The following UNC5B variants were observed in gnomAD, a reference collection of about 807,000 sequenced individuals.
UNC5B encodes netrin receptor UNC5B.
Under a neutral mutation model 103.7 loss-of-function variants are expected in UNC5B, and 56 were observed. The ratio of observed to expected loss-of-function variants is 0.54; its 90% CI spans 0.44 to 0.67. The LOEUF (loss-of-function observed/expected upper bound fraction) is 0.67, where lower values mean the gene tolerates loss of function less well. UNC5B is among the 30% of genes least tolerant of loss of function. The probability of loss-of-function intolerance (pLI) is 0.00; values close to 1 mark genes in which losing one functional copy is unlikely to be tolerated. For synonymous variants in UNC5B, 577 were observed against 542.0 expected (o/e 1.06, Z -0.90); for missense variants, 1,194 against 1,284.5 (o/e 0.93, Z 1.08).
At chr10:71,223,014 T>C (rs1182003388) in intron 1 of UNC5B, among the ~76,000 whole-genome samples, 2 of 152,112 alleles carry the variant, frequency 1.3e-5, no homozygotes, top group Admixed American at 6.5e-5. Flanking sequence ...CAGAGCAGAG[T>C]GACATTCGGA....
intron 1 of UNC5B, among the ~76,000 whole-genome samples, chr10:71,226,356 T>C (rs570476299): frequency 2.4e-4 from 37 of 152,350 alleles, no homozygotes; most frequent in African/African-American, 8.2e-4. Flanking sequence ...ATTACGGGCA[T>C]GAGCCACCTC....
chr10:71,258,403 G>A (rs761523271), intron 1 of UNC5B, among the ~76,000 whole-genome samples: 1 of 152,158 alleles, frequency 6.6e-6, no homozygotes, highest in Non-Finnish European at 1.5e-5. Context: ...GGAGACTCTG[G>A]GCTGAAGACC....
chr10:71,218,679 C>G (rs910294524), intron 1 of UNC5B, among the ~76,000 whole-genome samples: 53 of 152,344 alleles, frequency 3.5e-4, no homozygotes, highest in African/African-American at 1.2e-3. Context: ...ATCAGAGTCC[C>G]AGACCTGGAG....
At chr10:71,225,572 C>G (rs370742914) in intron 1 of UNC5B, among the ~76,000 whole-genome samples, 1 of 152,260 alleles carries the variant, frequency 6.6e-6, no homozygotes, top group Non-Finnish European at 1.5e-5. Context: ...CTGTCTGAGC[C>G]AGCACACCAT....
chr10:71,219,601 A>G (rs1320049545), intron 1 of UNC5B, among the ~76,000 whole-genome samples: 1 of 152,122 alleles, frequency 6.6e-6, no homozygotes, highest in African/African-American at 2.4e-5. Context: ...TCCTTTGGCA[A>G]CACCCTCACA....
intron 1 of UNC5B, among the ~76,000 whole-genome samples, chr10:71,227,221 G>T (rs1033906655): frequency 6.6e-6 from 1 of 152,096 alleles, no homozygotes; most frequent in Non-Finnish European, 1.5e-5. Flanking sequence ...CTGACCTCAG[G>T]TGATCTGCCC....
chr10:71,230,562 C>T (rs1843662361), intron 1 of UNC5B, among the ~76,000 whole-genome samples: 1 of 152,274 alleles, frequency 6.6e-6, no homozygotes, highest in Admixed American at 6.5e-5. Context: ...CCCTCCCCAC[C>T]TCATCAGGCC....
chr10:71,284,422 C>T (rs1845009757), intron 2 of UNC5B, among the ~76,000 whole-genome samples: 1 of 152,190 alleles, frequency 6.6e-6, no homozygotes, highest in Non-Finnish European at 1.5e-5. Flanking sequence ...CCACTGAGAC[C>T]CCGCATGAAG....
intron 1 of UNC5B, among the ~76,000 whole-genome samples, chr10:71,223,020 T>TC (rs1384803728): frequency 6.6e-6 from 1 of 152,190 alleles, no homozygotes; most frequent in Non-Finnish European, 1.5e-5. Context: ...AGAGTGACAT[T>TC]CGGAGTGAGC....
intron 2 of UNC5B, among the ~76,000 whole-genome samples, chr10:71,282,703 C>T (rs1844961413): frequency 6.6e-6 from 1 of 152,184 alleles, no homozygotes; most frequent in South Asian, 2.1e-4. Context: ...TAGCCACCTC[C>T]CATTTACATC....
rs1299863482 is a variant in UNC5B, at chr10:71,279,945, C to T, written c.204C>T (p.Arg68=). The T allele has an allele frequency of 6.2e-7, 1 of 1,613,994 alleles. No individual in the cohort carries two copies. The highest frequency in any genetic ancestry group is 1.3e-5 in the African/African-American group (1 of 75,068). The change falls in exon 2 of 17, where the codon CGC becomes CGT. Residue 68 remains arginine (R), a synonymous_variant. Transcript: ENST00000335350. ...YIVKNKPVEL[R]CRAFPATQIY... ...TGAAGAACAAGCCTGTGGAGCTCCG[C>T]TGCCGCGCCTTCCCCGCCACACAGA... is the stretch of plus-strand genomic sequence containing the variant.
chr10:71,215,047 T>C (rs1228808458), intron 1 of UNC5B, among the ~76,000 whole-genome samples: 1 of 152,236 alleles, frequency 6.6e-6, no homozygotes, highest in African/African-American at 2.4e-5. Flanking sequence ...GCCCAGAATG[T>C]GTGGCCCTTA....
intron 1 of UNC5B, among the ~76,000 whole-genome samples, chr10:71,265,855 C>A (rs995529923): frequency 6.6e-6 from 1 of 152,152 alleles, no homozygotes; most frequent in Non-Finnish European, 1.5e-5. Flanking sequence ...GTCCCCAGGT[C>A]CCCCATGCTG....
At chr10:71,244,412 C>T (rs971443511) in intron 1 of UNC5B, among the ~76,000 whole-genome samples, 1 of 152,210 alleles carries the variant, frequency 6.6e-6, no homozygotes, top group Non-Finnish European at 1.5e-5. Context: ...GCCCCTGGGA[C>T]GTTGCCTGGC....
intron 2 of UNC5B, among the ~76,000 whole-genome samples, chr10:71,283,355 T>A: frequency 6.6e-6 from 1 of 152,226 alleles, no homozygotes; most frequent in Admixed American, 6.5e-5. Context: ...GTAGTCACCA[T>A]AACTTGTCTA....
chr10:71,295,728 G>A, intron 13 of UNC5B, 83 bp from the exon 14 acceptor site: 1 of 1,522,602 alleles, frequency 6.6e-7, no homozygotes, highest in Non-Finnish European at 8.9e-7. Flanking sequence ...ATGGGCCCCT[G>A]CCCCCTGCCC....
At chr10:71,293,304 C>G (rs1266250951) in intron 11 of UNC5B, 101 bp from the exon 12 acceptor site, 25 of 1,376,368 alleles carry the variant, frequency 1.8e-5, no homozygotes, top group Non-Finnish European at 2.3e-5. Context: ...AAAGAGCTGC[C>G]CTCCACCTCC....
At chr10:71,285,247 C>G in intron 3 of UNC5B, 79 bp from the exon 4 acceptor site, 4 of 1,419,640 alleles carry the variant, frequency 2.8e-6, no homozygotes, top group South Asian at 1.2e-5. Flanking sequence ...TGCACTGCCA[C>G]CCAGTGGCTA....
intron 1 of UNC5B, among the ~76,000 whole-genome samples, chr10:71,269,591 C>CT (rs1189721387): frequency 3.9e-5 from 6 of 152,238 alleles, no homozygotes; most frequent in African/African-American, 1.4e-4. Flanking sequence ...CAAACCCCCT[C>CT]TGACTGCTCC....
Sources: gnomAD v4.1 joint callset for allele counts (sites outside exome capture counted in the v4.1 genomes callset) on GRCh38, gnomAD v4.1.1 for gene constraint, MANE v1.5 for transcripts, NCBI Gene and HGNC (gene_info 2026-07-23, HGNC 2026-07-21) for gene names.